CYFIP2: variants seen among roughly 807,000 people sequenced by gnomAD.
CYFIP2 encodes the protein cytoplasmic FMR1-interacting protein 2.
In CYFIP2, 29 loss-of-function variants were observed where a neutral mutation model predicts 158.7. That is an observed-to-expected ratio of 0.18 (90% CI 0.14 to 0.25). The LOEUF (loss-of-function observed/expected upper bound fraction) is 0.25. Among genes scored for constraint, CYFIP2 ranks in the 10% least tolerant of loss-of-function variants. CYFIP2 has a pLI of 1.00. For synonymous variants in CYFIP2, 585 were observed against 617.6 expected (o/e 0.95, Z 0.78); for missense variants, 852 against 1,639.5 (o/e 0.52, Z 8.29).
At chr5:157,375,440 T>C (rs1581176032) in intron 26 of CYFIP2, among the ~76,000 whole-genome samples, 1 of 152,138 alleles carries the variant, frequency 6.6e-6, no homozygotes, top group East Asian at 1.9e-4. Flanking sequence ...TTCAGGTTGA[T>C]TTCCATGGTC....
chr5:157,388,646 ATTTAC>A (rs902362601), intron 28 of CYFIP2, among the ~76,000 whole-genome samples: 1 of 152,164 alleles, frequency 6.6e-6, no homozygotes, highest in Non-Finnish European at 1.5e-5. Context: ...AATTTGTTCT[ATTTAC>A]TTTACAACTT....
intron 23 of CYFIP2, chr5:157,342,750 A>G (rs1174500085): frequency 9.3e-7 from 1 of 1,077,968 alleles, no homozygotes; most frequent in East Asian, 2.6e-5. Context: ...GACCTACAAT[A>G]GCAGTGACGT....
At chr5:157,283,290 G>A (rs760158918) in intron 1 of CYFIP2, among the ~76,000 whole-genome samples, 1 of 152,174 alleles carries the variant, frequency 6.6e-6, no homozygotes, top group Non-Finnish European at 1.5e-5. Flanking sequence ...CAGAGTAAGG[G>A]CTAAAGAAAT....
chr5:157,372,427 A>G (rs1765078868), intron 26 of CYFIP2, among the ~76,000 whole-genome samples: 1 of 152,180 alleles, frequency 6.6e-6, no homozygotes, highest in Non-Finnish European at 1.5e-5. Flanking sequence ...ATTCCTTCAA[A>G]TATTTTATGT....
chr5:157,321,680 T>G (rs1310134253), intron 15 of CYFIP2, among the ~76,000 whole-genome samples: 1 of 152,200 alleles, frequency 6.6e-6, no homozygotes. Context: ...TCACCCAAGA[T>G]GGACCATCTG....
rs139943836 is a variant in CYFIP2, at chr5:157,314,403, C to T, written c.1170C>T (p.Phe390=). ...QKSDEEYREL[F]DLALRGLQLL... ...CAGACGAGGAGTATCGCGAGCTCTT[C>T]GACCTAGCCCTGCGGGGTCTGCAGC... The change falls in exon 12 of 31, where the codon TTC becomes TTT. Residue 390 remains phenylalanine (F), a synonymous_variant. Coordinates refer to ENST00000620254, the MANE Select transcript of CYFIP2 (RefSeq NM_001037333.3). 2.0e-3 allele frequency: 3,168 copies of T among 1,613,872 alleles called. 8 individuals are homozygous for T. The highest frequency in any genetic ancestry group is 8.1e-3 in the Middle Eastern group (49 of 6,060).
chr5:157,284,354 G>A (rs1018601828), intron 1 of CYFIP2, among the ~76,000 whole-genome samples: 2 of 152,146 alleles, frequency 1.3e-5, no homozygotes, highest in South Asian at 4.1e-4. Flanking sequence ...TGACCTTGAA[G>A]TATGTTTTAT....
In CYFIP2 at chr5:157,294,837, A is replaced by G. The variant is rs2113869615; in HGVS notation, c.262A>G (p.Ser88Gly). The change falls in exon 4 of 31, where the codon AGC becomes GGC. Residue 88 changes from serine to glycine, a missense_variant. Ser to Gly is a moderately conservative substitution (Grantham distance 56). Coordinates refer to ENST00000620254, the MANE Select transcript of CYFIP2 (RefSeq NM_001037333.3). ...TGCGGTCATGCTGTACACCTGGCGC[A>G]GCTGTTCCCGGGCCATTCCCCAGGT... ...EYAVMLYTWRSCSRAIPQVKC... is the reference protein window; with the variant it reads ...EYAVMLYTWRGCSRAIPQVKC... 6.2e-7 allele frequency: 1 copy of G among 1,613,722 alleles called. No homozygotes were observed. Among genetic ancestry groups the G allele is most frequent in the Non-Finnish European group, 8.5e-7 (1 of 1,179,696 alleles).
chr5:157,314,239 A>T, intron 11 of CYFIP2, 105 bp from the exon 12 acceptor site: 1 of 1,398,816 alleles, frequency 7.1e-7, no homozygotes, highest in Admixed American at 2.5e-5. Flanking sequence ...TGTCAAGGGG[A>T]TGTAATAATA....
intron 10 of CYFIP2, among the ~76,000 whole-genome samples, chr5:157,310,231 C>T (rs568216983): frequency 2.5e-4 from 38 of 152,314 alleles, no homozygotes; most frequent in Admixed American, 1.2e-3. Context: ...GTGCAGTCGA[C>T]GTGAATTGGG....
chr5:157,371,953 A>G (rs1037036484), intron 26 of CYFIP2, among the ~76,000 whole-genome samples: 1 of 151,916 alleles, frequency 6.6e-6, no homozygotes, highest in Non-Finnish European at 1.5e-5. Context: ...CATTAGCGTG[A>G]CACTTGGTAC....
intron 13 of CYFIP2, among the ~76,000 whole-genome samples, chr5:157,318,812 C>A (rs1388874115): frequency 1.3e-5 from 2 of 152,044 alleles, no homozygotes; most frequent in Non-Finnish European, 2.9e-5. Flanking sequence ...GTGAGGTGGA[C>A]GATCTGCCAC....
chr5:157,268,172 G>A (rs1755772996), intron 1 of CYFIP2, among the ~76,000 whole-genome samples: 1 of 152,238 alleles, frequency 6.6e-6, no homozygotes, highest in Non-Finnish European at 1.5e-5. Flanking sequence ...TCTGGCTGGG[G>A]GCATTAGCTC....
intron 11 of CYFIP2, among the ~76,000 whole-genome samples, chr5:157,313,276 A>C (rs1759885261): frequency 1.3e-5 from 2 of 152,194 alleles, no homozygotes; most frequent in South Asian, 4.1e-4. Context: ...GTTTAAAGAC[A>C]CTTGATGTGA....
chr5:157,392,095 A>G (rs1454952952), intron 30 of CYFIP2, among the ~76,000 whole-genome samples: 1 of 151,952 alleles, frequency 6.6e-6, no homozygotes, highest in Non-Finnish European at 1.5e-5. Context: ...TCCTTTGTCC[A>G]TTTTTTTAAT....
At chr5:157,299,024 C>T (rs936904934) in intron 5 of CYFIP2, among the ~76,000 whole-genome samples, 5 of 152,164 alleles carry the variant, frequency 3.3e-5, no homozygotes, top group Non-Finnish European at 5.9e-5. Context: ...AAACATTGAT[C>T]GTTCACGTAC....
At chr5:157,296,617 A>G in intron 4 of CYFIP2, 56 bp from the exon 5 acceptor site, 1 of 1,517,434 alleles carries the variant, frequency 6.6e-7, no homozygotes, top group Non-Finnish European at 9.1e-7. Context: ...AACAAAAAAC[A>G]GTAATAAGAC....
At chr5:157,286,275 A>G (rs888566248) in intron 2 of CYFIP2, among the ~76,000 whole-genome samples, 2 of 151,840 alleles carry the variant, frequency 1.3e-5, no homozygotes, top group African/African-American at 4.8e-5. Flanking sequence ...ACAAAAAAGT[A>G]TACAAAAACA....
intron 23 of CYFIP2, chr5:157,343,291 G>A (rs981733231): frequency 7.4e-6 from 12 of 1,614,100 alleles, no homozygotes; most frequent in Non-Finnish European, 1.0e-5. Flanking sequence ...TGTAAGGGAA[G>A]GCAGCCTTCT....
Sources: gnomAD v4.1 joint callset for allele counts (sites outside exome capture counted in the v4.1 genomes callset) on GRCh38, gnomAD v4.1.1 for gene constraint, MANE v1.5 for transcripts, NCBI Gene and HGNC (gene_info 2026-07-23, HGNC 2026-07-21) for gene names.